CALB1: variants seen among roughly 807,000 people sequenced by gnomAD.
CALB1 encodes the protein calbindin.
A neutral mutation model predicts 46.7 loss-of-function variants in CALB1; 16 were observed. The observed-to-expected ratio is 0.34, with a 90% CI of 0.23 to 0.52. CALB1 has a LOEUF of 0.52. Among genes scored for constraint, CALB1 ranks in the 20% least tolerant of loss-of-function variants. CALB1 has a pLI of 0.95. For missense variants in CALB1, 224 were observed against 300.3 expected (o/e 0.75, Z 1.88); for synonymous variants, 90 against 112.8 (o/e 0.80, Z 1.28).
intron 1 of CALB1, 57 bp from the exon 2 acceptor site, chr8:90,082,159 G>T: frequency 6.9e-7 from 1 of 1,446,114 alleles, no homozygotes; most frequent in Non-Finnish European, 9.7e-7. Flanking sequence ...TGTCTTTCCC[G>T]TTCACTTTCC....
intron 3 of CALB1, among the ~76,000 whole-genome samples, chr8:90,077,023 A>G (rs1264804476): frequency 6.6e-6 from 1 of 152,026 alleles, no homozygotes; most frequent in African/African-American, 2.4e-5. Flanking sequence ...ATTATAAAGT[A>G]TGTCAAACTC....
intron 6 of CALB1, among the ~76,000 whole-genome samples, chr8:90,065,689 T>C (rs566025963): frequency 6.6e-6 from 1 of 151,998 alleles, no homozygotes; most frequent in South Asian, 2.1e-4. Context: ...TGCTCATATG[T>C]TGAGTCTTAA....
chr8:90,063,258 T>G, intron 8 of CALB1, 23 bp downstream of exon 8: 1 of 1,572,986 alleles, frequency 6.4e-7, no homozygotes, highest in Non-Finnish European at 8.7e-7. Context: ...AAATATTATT[T>G]AAGGTAGTAA....
intron 9 of CALB1, 190 bp from the exon 10 acceptor site, chr8:90,060,890 C>G (rs1179769036): frequency 5.2e-6 from 3 of 580,356 alleles, no homozygotes; most frequent in East Asian, 2.9e-5. Flanking sequence ...TTAGTTACTT[C>G]TCATTCAACA....
In CALB1 at chr8:90,060,280, C is replaced by A; in HGVS notation, c.679G>T (p.Asp227Tyr). 6.4e-7 allele frequency: 1 copy of A among 1,564,152 alleles called. No individual in the cohort carries two copies. The highest frequency in any genetic ancestry group is 8.8e-7 in the Non-Finnish European group (1 of 1,134,694). ...DLCEKNKQDL[D>Y]INNITTYKKN... ...TTGTATGTTGTAATATTATTAATAT[C>A]CAGATCCTGTACAGAATATAAATGG... The change falls in exon 11 of 11, where the codon GAT (aspartate) becomes TAT (tyrosine). Residue 227 changes from aspartate to tyrosine, a missense_variant. Coordinates refer to ENST00000265431, the MANE Select transcript of CALB1 (RefSeq NM_004929.4).
At chr8:90,061,473 G>C (rs1814296077) in intron 9 of CALB1, 1 of 152,094 alleles carries the variant, frequency 6.6e-6, no homozygotes, top group Admixed American at 6.5e-5. Flanking sequence ...TTTTTATAGA[G>C]AGAAAACCCT....
chr8:90,073,407 C>T (rs1037703463), intron 3 of CALB1, among the ~76,000 whole-genome samples: 10 of 152,064 alleles, frequency 6.6e-5, no homozygotes, highest in Non-Finnish European at 1.3e-4. Context: ...ATATAAAGGC[C>T]CAACGGTCTC....
At chr8:90,080,297 T>C (rs1814706430) in intron 2 of CALB1, among the ~76,000 whole-genome samples, 1 of 151,872 alleles carries the variant, frequency 6.6e-6, no homozygotes, top group African/African-American at 2.4e-5. Context: ...GGTACAAATA[T>C]TAAAATCAGA....
chr8:90,080,131 C>G (rs528241618), intron 2 of CALB1, among the ~76,000 whole-genome samples: 4 of 151,740 alleles, frequency 2.6e-5, no homozygotes, highest in African/African-American at 9.7e-5. Context: ...GAAAAATGCT[C>G]AAGAATCAAG....
intron 3 of CALB1, among the ~76,000 whole-genome samples, chr8:90,077,436 G>A (rs191010010): frequency 6.6e-6 from 1 of 151,972 alleles, no homozygotes; most frequent in African/African-American, 2.4e-5. Context: ...ATGTTGTTGA[G>A]ATCCAGAATA....
chr8:90,060,962 TTAA>T, intron 9 of CALB1: 1 of 416,122 alleles, frequency 2.4e-6, no homozygotes, highest in Non-Finnish European at 4.4e-6. Context: ...TCACTTAATG[TTAA>T]TAATATCTTC....
At chr8:90,074,101 T>G (rs1030159497) in intron 3 of CALB1, among the ~76,000 whole-genome samples, 4 of 152,112 alleles carry the variant, frequency 2.6e-5, no homozygotes, top group African/African-American at 9.7e-5. Context: ...GTAAATAACT[T>G]TATCAAAAAT....
intron 6 of CALB1, 49 bp from the exon 7 acceptor site, chr8:90,063,510 G>A: frequency 6.8e-7 from 1 of 1,461,068 alleles, no homozygotes; most frequent in African/African-American, 1.4e-5. Flanking sequence ...ATAATTTATT[G>A]CATGAAGGAG....
intron 3 of CALB1, among the ~76,000 whole-genome samples, chr8:90,075,120 T>C (rs1164472493): frequency 6.6e-6 from 1 of 152,202 alleles, no homozygotes; most frequent in Non-Finnish European, 1.5e-5. Flanking sequence ...TTTAAATCTA[T>C]TTAAAGGCAA....
chr8:90,073,977 G>A (rs532342596), intron 3 of CALB1, among the ~76,000 whole-genome samples: 4 of 152,144 alleles, frequency 2.6e-5, no homozygotes, highest in Admixed American at 2.0e-4. Flanking sequence ...GACAATCATG[G>A]TATGTTAACA....
In CALB1 at chr8:90,065,917, G is replaced by A. The variant is rs1297804715; in HGVS notation, c.431C>T (p.Ala144Val). ...ANKTVDDTKLAEYTDLMLKLF... is the reference protein window; with the variant it reads ...ANKTVDDTKLVEYTDLMLKLF... ...TCTTACCATTAGGTCTGTATACTCG[G>A]CTAATTTTGTGTCATCAACAGTCTT... The change falls in exon 6 of 11, where the codon GCC (alanine) becomes GTC (valine). Residue 144 changes from alanine to valine, a missense_variant. Ala to Val is a moderately conservative substitution (Grantham distance 64, BLOSUM62 0). Transcript: ENST00000265431. 6.2e-7 allele frequency: 1 copy of A among 1,610,072 alleles called. No homozygotes were observed. Among genetic ancestry groups the A allele is most frequent in the East Asian group, 2.2e-5 (1 of 44,804 alleles).
rs1814745834 is a variant in CALB1 at position 90,082,213 on chromosome 8, T to C, written c.80-111A>G. On this transcript the variant is annotated intron_variant, in intron 1 of 10. Coordinates refer to ENST00000265431, the MANE Select transcript of CALB1 (RefSeq NM_004929.4). ...GCGACCCGAGAGGCTCTCTCTTGCC[T>C]GGACGTTGATTAACCAGCAAAGTGT... is the stretch of plus-strand genomic sequence containing the variant. 13 of 901,618 alleles carry C rather than the reference T, an allele frequency of 1.4e-5. No homozygotes were observed. The South Asian group carries it at 1.7e-4, about 12-fold the overall frequency. The allele number at this position is 901,618 out of a possible 1,614,324, so 55.9% of individuals were successfully genotyped here. A position where few individuals can be genotyped will look rare whatever the true frequency, so the allele number is the denominator to read the frequency against.
intron 3 of CALB1, among the ~76,000 whole-genome samples, chr8:90,074,136 T>C (rs1249283655): frequency 1.3e-5 from 2 of 152,162 alleles, no homozygotes; most frequent in African/African-American, 2.4e-5. Context: ...GTTTAATAAT[T>C]TGAATTTGAC....
chr8:90,060,939 T>C (rs576534206), intron 9 of CALB1: 1 of 490,822 alleles, frequency 2.0e-6, no homozygotes, highest in African/African-American at 2.0e-5. Flanking sequence ...TTCAAAGTAC[T>C]TACACATGTA....
Sources: allele counts gnomAD v4.1 joint callset (sites outside exome capture counted in the v4.1 genomes callset), GRCh38; gene constraint gnomAD v4.1.1; transcripts MANE v1.5; gene names NCBI Gene and HGNC (gene_info 2026-07-23, HGNC 2026-07-21).